Variants in GALNTL6 observed in about 807,000 individuals in gnomAD.
GALNTL6 encodes the protein polypeptide N-acetylgalactosaminyltransferase-like 6.
A neutral mutation model predicts 73.7 loss-of-function variants in GALNTL6; 46 were observed. That is an observed-to-expected ratio of 0.62 (90% confidence interval 0.49 to 0.80). GALNTL6 has a LOEUF of 0.80. Among genes scored for constraint, GALNTL6 ranks in the 30% least tolerant of loss-of-function variants. The pLI is 0.00. For synonymous variants in GALNTL6, 259 were observed against 263.7 expected (o/e 0.98, Z 0.17); for missense variants, 604 against 755.0 (o/e 0.80, Z 2.34).
chr4:172,437,073 C>A (rs1382358504), intron 5 of GALNTL6, among the ~76,000 whole-genome samples: 2 of 152,118 alleles, frequency 1.3e-5, no homozygotes, highest in Non-Finnish European at 2.9e-5. Context: ...AGATGTAGAG[C>A]AGTTCAGTCC....
intron 2 of GALNTL6, among the ~76,000 whole-genome samples, chr4:172,199,254 C>T (rs983989467): frequency 6.6e-6 from 1 of 151,994 alleles, no homozygotes; most frequent in Non-Finnish European, 1.5e-5. Flanking sequence ...AAGAATTGTG[C>T]CTATTTAATA....
chr4:172,014,552 C>T (rs1579059420), intron 2 of GALNTL6, among the ~76,000 whole-genome samples: 1 of 151,824 alleles, frequency 6.6e-6, no homozygotes, highest in South Asian at 2.1e-4. Context: ...TTTAATTTAG[C>T]TCTGCTCTGA....
At chr4:172,375,018 G>A (rs1406543850) in intron 5 of GALNTL6, among the ~76,000 whole-genome samples, 2 of 152,156 alleles carry the variant, frequency 1.3e-5, no homozygotes, top group Admixed American at 6.5e-5. Context: ...GGACATAACC[G>A]ATAGCCTGGG....
chr4:172,168,712 G>A (rs1426132238), intron 2 of GALNTL6, among the ~76,000 whole-genome samples: 1 of 152,076 alleles, frequency 6.6e-6, no homozygotes, highest in Non-Finnish European at 1.5e-5. Context: ...GATGGTAATG[G>A]TGATGGTGAC....
At chr4:172,192,879 A>G (rs1170840086) in intron 2 of GALNTL6, among the ~76,000 whole-genome samples, 2 of 152,170 alleles carry the variant, frequency 1.3e-5, no homozygotes, top group Admixed American at 1.3e-4. Context: ...CAGGATATGC[A>G]CAGTACAGTG....
At chr4:172,649,430 G>A (rs1369290836) in intron 5 of GALNTL6, among the ~76,000 whole-genome samples, 1 of 152,144 alleles carries the variant, frequency 6.6e-6, no homozygotes, top group African/African-American at 2.4e-5. Flanking sequence ...ACCGATTATG[G>A]TGAGGAAATA....
chr4:172,951,297 G>T (rs1749431902), intron 9 of GALNTL6, among the ~76,000 whole-genome samples: 1 of 152,188 alleles, frequency 6.6e-6, no homozygotes, highest in South Asian at 2.1e-4. Context: ...CAGCATGGAT[G>T]AGTAACTTGC....
At chr4:172,912,191 T>C (rs1272248995) in intron 8 of GALNTL6, among the ~76,000 whole-genome samples, 3 of 152,248 alleles carry the variant, frequency 2.0e-5, no homozygotes, top group African/African-American at 7.2e-5. Context: ...AACAATATTA[T>C]TGTGAGCCTT....
chr4:172,843,904 C>A (rs1423843782), intron 7 of GALNTL6, among the ~76,000 whole-genome samples: 1 of 151,912 alleles, frequency 6.6e-6, no homozygotes, highest in African/African-American at 2.4e-5. Flanking sequence ...ACCAAAAACA[C>A]AAAAATTAGC....
At chr4:172,094,686 C>G (rs974708842) in intron 2 of GALNTL6, among the ~76,000 whole-genome samples, 1 of 151,836 alleles carries the variant, frequency 6.6e-6, no homozygotes, top group Non-Finnish European at 1.5e-5. Context: ...TGTATAGATT[C>G]TTATTCTCTT....
At chr4:171,903,026 G>A (rs552788056) in intron 2 of GALNTL6, among the ~76,000 whole-genome samples, 20 of 151,906 alleles carry the variant, frequency 1.3e-4, no homozygotes, top group South Asian at 8.3e-4. Flanking sequence ...AGTCAAAGAC[G>A]AAGAAGGAGT....
intron 2 of GALNTL6, among the ~76,000 whole-genome samples, chr4:172,156,555 A>ATATATATAG (rs1560945715): frequency 3.7e-5 from 5 of 136,444 alleles, no homozygotes; most frequent in African/African-American, 1.2e-4. Context: ...ATATATATAT[A>ATATATATAG]TATATATATA....
At chr4:172,649,273 A>G (rs976197376) in intron 5 of GALNTL6, among the ~76,000 whole-genome samples, 24 of 152,126 alleles carry the variant, frequency 1.6e-4, no homozygotes, top group Non-Finnish European at 1.5e-4. Context: ...ATGTCACCCA[A>G]AGAAATTTGT....
chr4:172,164,420 A>AT (rs1265657063), intron 2 of GALNTL6, among the ~76,000 whole-genome samples: 1 of 151,942 alleles, frequency 6.6e-6, no homozygotes, highest in Non-Finnish European at 1.5e-5. Context: ...TATTTTATGG[A>AT]TTTTTTAAAA....
chr4:172,544,094 T>C (rs1735669416), intron 5 of GALNTL6, among the ~76,000 whole-genome samples: 1 of 152,202 alleles, frequency 6.6e-6, no homozygotes, highest in Non-Finnish European at 1.5e-5. Context: ...GCTTCCACAG[T>C]TGCCAGTTTC....
At chr4:172,114,000 C>G (rs944832589) in intron 2 of GALNTL6, among the ~76,000 whole-genome samples, 1 of 151,986 alleles carries the variant, frequency 6.6e-6, no homozygotes, top group African/African-American at 2.4e-5. Flanking sequence ...TGAAACAAGA[C>G]AAACAAAAGA....
intron 5 of GALNTL6, among the ~76,000 whole-genome samples, chr4:172,697,643 A>T (rs1733775113): frequency 6.6e-6 from 1 of 152,220 alleles, no homozygotes; most frequent in Admixed American, 6.6e-5. Flanking sequence ...GTAAAGGACT[A>T]TTGCTCAGGC....
chr4:171,964,572 ACATACCCCATTTT>A (rs1278507791), intron 2 of GALNTL6, among the ~76,000 whole-genome samples: 6 of 152,150 alleles, frequency 3.9e-5, no homozygotes, highest in Non-Finnish European at 8.8e-5. Context: ...TGTTCCCCGA[ACATACCCCATTTT>A]CATATTCCCA....
intron 3 of GALNTL6, among the ~76,000 whole-genome samples, chr4:172,270,185 G>A (rs1286088468): frequency 6.7e-6 from 1 of 149,404 alleles, no homozygotes; most frequent in Non-Finnish European, 1.5e-5. Flanking sequence ...GTGTGTGTGT[G>A]TGTATGTGTG....
Sources: gnomAD v4.1 joint callset for allele counts (sites outside exome capture counted in the v4.1 genomes callset) on GRCh38, gnomAD v4.1.1 for gene constraint, MANE v1.5 for transcripts, NCBI Gene and HGNC (gene_info 2026-07-23, HGNC 2026-07-21) for gene names.